Variants in ADGRF1 observed in about 807,000 individuals in gnomAD.
ADGRF1 encodes adhesion G protein-coupled receptor F1.
In ADGRF1, 85 loss-of-function variants were observed where a neutral mutation model predicts 87.2. That is an observed-to-expected ratio of 0.97 (90% CI 0.82 to 1.17). ADGRF1 has a LOEUF of 1.17. Among genes scored for constraint, ADGRF1 ranks in the 50% most tolerant of loss-of-function variants. ADGRF1 has a pLI of 0.00. For synonymous variants in ADGRF1, 430 were observed against 408.8 expected, an observed-to-expected ratio of 1.05 and a Z score of -0.63; for missense variants, 1,169 against 1,077.2, an observed-to-expected ratio of 1.09 and a Z score of -1.19.
chr6:47,033,730 A>T (rs907074194), intron 1 of ADGRF1, among the ~76,000 whole-genome samples: 2 of 152,250 alleles, frequency 1.3e-5, no homozygotes, highest in Non-Finnish European at 2.9e-5. Flanking sequence ...TCATTTTATC[A>T]GTTTTTGATA....
intron 13 of ADGRF1, 100 bp from the exon 14 acceptor site, chr6:47,001,667 C>A: frequency 1.1e-6 from 1 of 888,248 alleles, no homozygotes; most frequent in South Asian, 1.5e-5. Context: ...TTCTTTATTT[C>A]ATTTTCATAG....
intron 1 of ADGRF1, among the ~76,000 whole-genome samples, chr6:47,035,785 T>C (rs987412885): frequency 4.6e-5 from 7 of 152,196 alleles, no homozygotes; most frequent in Non-Finnish European, 7.3e-5. Flanking sequence ...AGAACGTACA[T>C]TTCAAACCTA....
At chr6:47,006,157 G>C (rs2113877084) in intron 12 of ADGRF1, among the ~76,000 whole-genome samples, 1 of 152,272 alleles carries the variant, frequency 6.6e-6, no homozygotes, top group African/African-American at 2.4e-5. Context: ...TATCTTTGAA[G>C]TGAAGAGTTT....
At chr6:47,014,237 A>C in intron 9 of ADGRF1, 1 of 985,782 alleles carries the variant, frequency 1.0e-6, no homozygotes, top group Non-Finnish European at 1.2e-6. Flanking sequence ...CAGTCATTTT[A>C]TATGGTTCAC....
At chr6:47,013,839 G>T in intron 9 of ADGRF1, 1 of 167,748 alleles carries the variant, frequency 6.0e-6, no homozygotes, top group Non-Finnish European at 1.2e-5. Flanking sequence ...TTGTTTAAAA[G>T]TGTGTAGCAT....
chr6:47,022,804 CTTTTT>C (rs11286179), intron 5 of ADGRF1, among the ~76,000 whole-genome samples: 1 of 119,276 alleles, frequency 8.4e-6, no homozygotes, highest in Admixed American at 8.7e-5. Context: ...TTTCTTTTTT[CTTTTT>C]TTTTTTTTTT....
At chr6:47,019,250 A>G in intron 7 of ADGRF1, 28 of 934,770 alleles carry the variant, frequency 3.0e-5, no homozygotes, top group Non-Finnish European at 3.6e-5. Context: ...ATGAATATTG[A>G]AAGTATGATC....
At position 47,014,911 on chromosome 6, in the gene ADGRF1, G is replaced by T. The variant is rs966417647; in HGVS notation, c.764-67C>A. On this transcript the variant is annotated intron_variant, in intron 8 of 14. Coordinates refer to ENST00000371253, the MANE Select transcript of ADGRF1 (RefSeq NM_153840.4). ...TATCCTGGCACTCTATATAAACCAT[G>T]TAGTCATGTTCAAATGTTTTAGAAC... 5 of 1,466,982 alleles carry T rather than the reference G, an allele frequency of 3.4e-6. No homozygotes were observed. The African/African-American group carries it at 7.1e-5, about 21-fold the overall frequency. The allele number at this position is 1,466,982 out of a possible 1,614,324, so 90.9% of individuals were successfully genotyped here.
At chr6:47,010,352 T>C in intron 10 of ADGRF1, 34 bp from the exon 11 acceptor site, 4 of 1,539,464 alleles carry the variant, frequency 2.6e-6, no homozygotes, top group Non-Finnish European at 3.5e-6. Flanking sequence ...GTTTGTGTTT[T>C]TGAGTAAACA....
intron 1 of ADGRF1, among the ~76,000 whole-genome samples, chr6:47,039,515 A>G (rs556279421): frequency 1.3e-5 from 2 of 152,324 alleles, no homozygotes; most frequent in East Asian, 1.9e-4. Context: ...ATGTGATAAG[A>G]AGGCTTCCCT....
intron 1 of ADGRF1, among the ~76,000 whole-genome samples, chr6:47,029,943 T>C (rs1780360062): frequency 6.6e-6 from 1 of 152,228 alleles, no homozygotes; most frequent in Admixed American, 6.5e-5. Flanking sequence ...GAATACCTTC[T>C]TCTGGCCTCT....
intron 7 of ADGRF1, chr6:47,017,597 G>A (rs1273125919): frequency 6.6e-6 from 1 of 151,998 alleles, no homozygotes; most frequent in Non-Finnish European, 1.5e-5. Flanking sequence ...TTCTTACCAT[G>A]GAGTACTACT....
Position 47,012,132 on chromosome 6 carries a change from A to T in ADGRF1, c.991T>A (p.Ser331Thr). The change falls in exon 10 of 15, where the codon TCT becomes ACT. Residue 331 changes from serine to threonine, a missense_variant. Ser to Thr is a moderately conservative substitution (Grantham distance 58, BLOSUM62 1). Coordinates refer to ENST00000371253, the MANE Select transcript of ADGRF1 (RefSeq NM_153840.4). ...AAVSSFVQNLSVIIRQNPSTT... is the reference protein window; with the variant it reads ...AAVSSFVQNLTVIIRQNPSTT... ...GATGGGTTTTGCCGAATGATGACAG[A>T]AAGATTTTGCACGAAGGATGACACA... 1 of 1,614,148 alleles carries T rather than the reference A, an allele frequency of 6.2e-7. No individual in the cohort carries two copies. Among genetic ancestry groups the T allele is most frequent in the Non-Finnish European group, 8.5e-7 (1 of 1,179,962 alleles).
intron 9 of ADGRF1, chr6:47,013,549 C>CT: frequency 1.0e-6 from 1 of 985,510 alleles, no homozygotes; most frequent in Non-Finnish European, 1.2e-6. Flanking sequence ...TGGGGTCCTT[C>CT]TTTTCTGTGA....
intron 5 of ADGRF1, among the ~76,000 whole-genome samples, chr6:47,022,353 G>A (rs1229218454): frequency 6.6e-6 from 1 of 152,194 alleles, no homozygotes; most frequent in Non-Finnish European, 1.5e-5. Context: ...ACTCTGAAAT[G>A]TATCTTCATC....
At chr6:47,020,866 C>G in intron 6 of ADGRF1, 77 bp from the exon 7 acceptor site, 1 of 1,104,494 alleles carries the variant, frequency 9.1e-7, no homozygotes. Context: ...AAAATTGATA[C>G]AGACAATAAA....
rs535397509 is a variant in ADGRF1, at chr6:47,001,122, G to A, written c.2659+379C>T. On this transcript the variant is annotated intron_variant, in intron 14 of 14. Coordinates refer to ENST00000371253, the MANE Select transcript of ADGRF1 (RefSeq NM_153840.4). ...AACATCAGGGCACAAGCACCTGGCC[G>A]CGTGCCCACTGCTTGGCAGCTGGCA... 1.3e-4 allele frequency among the ~76,000 whole-genome samples: 20 copies of A among 152,332 alleles called. No homozygotes were observed. In the South Asian group the frequency reaches 2.3e-3, roughly 17 times the overall value.
intron 1 of ADGRF1, among the ~76,000 whole-genome samples, chr6:47,040,614 G>A (rs181213037): frequency 3.1e-4 from 47 of 152,212 alleles, no homozygotes; most frequent in Non-Finnish European, 2.4e-4. Flanking sequence ...CACTTGTCCC[G>A]GGGATGCCAC....
chr6:47,031,351 G>GTCTCTCTCTC (rs374462680), intron 1 of ADGRF1, among the ~76,000 whole-genome samples: 201 of 110,772 alleles, frequency 1.8e-3, no homozygotes, highest in African/African-American at 4.0e-3. Context: ...CTCTCTCTCT[G>GTCTCTCTCTC]TCTCTCTCTC....
Sources: gnomAD v4.1 joint callset for allele counts (sites outside exome capture counted in the v4.1 genomes callset) on GRCh38, gnomAD v4.1.1 for gene constraint, MANE v1.5 for transcripts, NCBI Gene and HGNC (gene_info 2026-07-23, HGNC 2026-07-21) for gene names.